Variants in MAP2K5 observed in about 807,000 individuals in gnomAD.
The protein encoded by MAP2K5 is mitogen-activated protein kinase kinase 5.
In MAP2K5, 49 loss-of-function variants were observed where a neutral mutation model predicts 83.1. The ratio of observed to expected loss-of-function variants is 0.59; its 90% CI spans 0.47 to 0.75. The LOEUF (loss-of-function observed/expected upper bound fraction) is 0.75, where lower values mean the gene tolerates loss of function less well. Ranked by LOEUF, MAP2K5 falls within the 30% of genes least tolerant of loss-of-function variation. The probability of loss-of-function intolerance (pLI) is 0.00; values close to 1 mark genes in which losing one functional copy is unlikely to be tolerated. For missense variants in MAP2K5, 457 were observed against 557.5 expected, an observed-to-expected ratio of 0.82 and a Z score of 1.82; for synonymous variants, 202 against 191.8, an observed-to-expected ratio of 1.05 and a Z score of -0.44.
intron 6 of MAP2K5, among the ~76,000 whole-genome samples, chr15:67,590,446 C>CCTCTCTCTCTCTCTCTCTCTCTCT (rs57701485): frequency 3.3e-5 from 1 of 30,544 alleles, no homozygotes; most frequent in African/African-American, 1.2e-4. Flanking sequence ...TCCCTCCCTC[C>CCTCTCTCTCTCTCTCTCTCTCTCT]CTCTCTCTCT....
rs1284214701 is a variant in MAP2K5, at chr15:67,774,772, C to T, written c.1242+2020C>T. ...TTGTCACCTGGGTGGGGGCCTGTGCCTTTCACAAAAAGAGCAGTTTATCTC... is the reference window on the plus strand; with the variant it reads ...TTGTCACCTGGGTGGGGGCCTGTGCTTTTCACAAAAAGAGCAGTTTATCTC... On this transcript the variant is annotated intron_variant, in intron 21 of 21. Coordinates refer to ENST00000178640, the MANE Select transcript of MAP2K5 (RefSeq NM_145160.3). This position sits in a 1 kb window ranked among gnomAD's most constrained non-coding sequence, Gnocchi z 4.9. Among the ~76,000 whole-genome samples, 1 of 152,222 alleles carries T rather than the reference C, an allele frequency of 6.6e-6. No individual in the cohort carries two copies. Among genetic ancestry groups the T allele is most frequent in the East Asian group, 1.9e-4 (1 of 5,202 alleles).
rs369351620 is a variant in MAP2K5 at position 67,668,346 on chromosome 15, CAT to C, written c.847+3702_847+3703del. ...ATAAACCAAACGTGTGATAATTCCA[CAT>C]GAGGACATAATCATTAAAAATGTTT... On this transcript the variant is annotated intron_variant, in intron 13 of 21. Transcript: ENST00000178640. The surrounding 1 kb of genome is among the most constrained non-coding windows in gnomAD (Gnocchi z 4.0). 6.6e-4 allele frequency among the ~76,000 whole-genome samples: 100 copies of C among 152,242 alleles called. 1 individual carries two copies. The East Asian group carries it at 7.3e-3, about 11-fold the overall frequency.
rs574557443 is a variant in MAP2K5 at position 67,652,895 on chromosome 15, T to C, written c.737-5658T>C. ...TTGGAATCACACAGTATTTGTCTTATTGTGTCTGGCTTATTTCATTTTGCA... is the reference window on the plus strand; with the variant it reads ...TTGGAATCACACAGTATTTGTCTTACTGTGTCTGGCTTATTTCATTTTGCA... On this transcript the variant is annotated intron_variant, in intron 11 of 21. Transcript: ENST00000178640. The surrounding 1 kb of genome is among the most constrained non-coding windows in gnomAD (Gnocchi z 4.2). 2.6e-5 allele frequency among the ~76,000 whole-genome samples: 4 copies of C among 152,246 alleles called. No homozygotes were observed. The highest frequency in any genetic ancestry group is 9.6e-5 in the African/African-American group (4 of 41,476).
chr15:67,711,629 A>G (rs1806981871), intron 16 of MAP2K5, among the ~76,000 whole-genome samples: 1 of 152,270 alleles, frequency 6.6e-6, no homozygotes, highest in African/African-American at 2.4e-5. Flanking sequence ...TCCACTAAAA[A>G]TAGCCATAAC....
chr15:67,763,612 G>A (rs1317780765), intron 19 of MAP2K5, among the ~76,000 whole-genome samples: 3 of 152,160 alleles, frequency 2.0e-5, no homozygotes, highest in Non-Finnish European at 2.9e-5. Flanking sequence ...CCTTGGAGGT[G>A]AGGGTCCAGT....
chr15:67,588,013 T>C (rs764013326), intron 6 of MAP2K5: 141 of 781,964 alleles, frequency 1.8e-4, no homozygotes, highest in Non-Finnish European at 2.1e-4. Flanking sequence ...ATTCAGCCCC[T>C]CCTCCACCCT....
intron 7 of MAP2K5, among the ~76,000 whole-genome samples, chr15:67,599,994 CTT>C (rs10578296): frequency 0.23 from 34,644 of 151,964 alleles, 4,927 homozygotes; most frequent in East Asian, 0.5. Flanking sequence ...AACATGCAAA[CTT>C]ATATATAAAG....
chr15:67,765,059 C>T (rs936429102), intron 19 of MAP2K5, among the ~76,000 whole-genome samples: 3 of 152,208 alleles, frequency 2.0e-5, no homozygotes, highest in African/African-American at 4.8e-5. Context: ...AGTAATATCT[C>T]GTAAGTATAG....
At chr15:67,548,913 GAAAA>G in intron 1 of MAP2K5, 4 of 589,544 alleles carry the variant, frequency 6.8e-6, no homozygotes, top group Non-Finnish European at 7.4e-6. Flanking sequence ...ATTTATTTTT[GAAAA>G]AAAAAAAAAG....
intron 21 of MAP2K5, among the ~76,000 whole-genome samples, chr15:67,805,502 G>A (rs2141352505): frequency 6.6e-6 from 1 of 152,366 alleles, no homozygotes; most frequent in Non-Finnish European, 1.5e-5. Context: ...TAGGGCTGCA[G>A]TCAAGGCTGG....
intron 11 of MAP2K5, among the ~76,000 whole-genome samples, chr15:67,648,977 A>G (rs1253663121): frequency 6.6e-6 from 1 of 152,172 alleles, no homozygotes; most frequent in Non-Finnish European, 1.5e-5. Flanking sequence ...AAACTTTTCC[A>G]ATCTGTTTTA....
In MAP2K5 at chr15:67,799,156, G is replaced by A. The variant is rs192530740; in HGVS notation, c.1243-7490G>A. Among the ~76,000 whole-genome samples the A allele has an allele frequency of 1.9e-3, 289 of 152,362 alleles. 1 individual carries two copies. The highest frequency in any genetic ancestry group is 3.4e-3 in the Non-Finnish European group (228 of 68,040). On this transcript the variant is annotated intron_variant, in intron 21 of 21. Coordinates refer to ENST00000178640, the MANE Select transcript of MAP2K5 (RefSeq NM_145160.3). Reference sequence around the variant, plus strand: ...TGCCCTCCAGCCTGGGCGACAGAGCGAGACTCCGTCTCAAAATAAAAAAAT... The same window carrying A: ...TGCCCTCCAGCCTGGGCGACAGAGCAAGACTCCGTCTCAAAATAAAAAAAT...
At chr15:67,566,872 A>T (rs894064679) in intron 3 of MAP2K5, among the ~76,000 whole-genome samples, 5 of 152,250 alleles carry the variant, frequency 3.3e-5, no homozygotes, top group African/African-American at 1.2e-4. Context: ...TATGAGTGCC[A>T]TAATAATGGC....
At chr15:67,682,303 G>A (rs923782541) in intron 13 of MAP2K5, among the ~76,000 whole-genome samples, 1 of 151,034 alleles carries the variant, frequency 6.6e-6, no homozygotes, top group Non-Finnish European at 1.5e-5. Flanking sequence ...TGCAACCTCC[G>A]CCTCCTGGGT....
chr15:67,658,644 T>C (rs779043647), intron 12 of MAP2K5, 30 bp downstream of exon 12: 3 of 1,548,172 alleles, frequency 1.9e-6, no homozygotes, highest in African/African-American at 2.7e-5. Flanking sequence ...GTTAGGAAAT[T>C]TGAGTGATTT....
rs988380698 is a variant in MAP2K5, at chr15:67,708,291, C to A, written c.1044+4883C>A. 6.6e-6 allele frequency among the ~76,000 whole-genome samples: 1 copy of A among 151,736 alleles called. No homozygotes were observed. Among genetic ancestry groups the A allele is most frequent in the Admixed American group, 6.6e-5 (1 of 15,238 alleles). On this transcript the variant is annotated intron_variant, in intron 16 of 21. Coordinates refer to ENST00000178640, the MANE Select transcript of MAP2K5 (RefSeq NM_145160.3). This position sits in a 1 kb window ranked among gnomAD's most constrained non-coding sequence, Gnocchi z 4.9. The stretch of plus-strand genomic sequence containing the variant: ...TGAGCTATGATTGCACCACCACACT[C>A]CAGCCTAGTCAACAGAGCAAGATGC...
At chr15:67,699,970 TAAAA>T (rs5813453) in intron 15 of MAP2K5, among the ~76,000 whole-genome samples, 17 of 140,908 alleles carry the variant, frequency 1.2e-4, no homozygotes, top group African/African-American at 4.2e-4. Context: ...CTTGCCAATG[TAAAA>T]AAAAAAAAAA....
intron 8 of MAP2K5, chr15:67,628,871 G>C: frequency 1.3e-6 from 1 of 749,524 alleles, no homozygotes. Flanking sequence ...CCGTGGTGAT[G>C]GTGGATATGG....
intron 3 of MAP2K5, among the ~76,000 whole-genome samples, chr15:67,564,159 T>G (rs1354079389): frequency 1.1e-4 from 17 of 152,226 alleles, no homozygotes; most frequent in Non-Finnish European, 4.4e-5. Context: ...AGCTCTACTG[T>G]GGTTTCTTGG....
Sources: gnomAD v4.1 joint callset for allele counts (sites outside exome capture counted in the v4.1 genomes callset) on GRCh38, gnomAD v4.1.1 for gene constraint, Gnocchi (gnomAD v3.1) non-coding constraint, MANE v1.5 for transcripts, NCBI Gene and HGNC (gene_info 2026-07-23, HGNC 2026-07-21) for gene names.